The following SLC16A7 variants were observed in gnomAD, a reference collection of about 807,000 sequenced individuals.
SLC16A7 encodes the protein monocarboxylate transporter 2.
Under a neutral mutation model 34.9 loss-of-function variants are expected in SLC16A7, and 33 were observed. The ratio of observed to expected loss-of-function variants is 0.94; its 90% CI spans 0.72 to 1.26. The LOEUF is 1.26. SLC16A7 is among the 50% of genes most tolerant of loss of function. SLC16A7 has a pLI of 0.00. For missense variants in SLC16A7, 573 were observed against 578.1 expected (o/e 0.99, Z 0.09); for synonymous variants, 201 against 206.6 (o/e 0.97, Z 0.23).
At chr12:59,730,358 A>C (rs1041853964) in intron 3 of SLC16A7, among the ~76,000 whole-genome samples, 7 of 151,982 alleles carry the variant, frequency 4.6e-5, no homozygotes, top group South Asian at 2.1e-4. Context: ...AAAAAAAAAA[A>C]AAAACAGACA....
chr12:59,684,857 G>A (rs1473358012), intron 2 of SLC16A7, among the ~76,000 whole-genome samples: 2 of 152,210 alleles, frequency 1.3e-5, no homozygotes, highest in East Asian at 1.9e-4. Context: ...CCTGGAAGAG[G>A]CCAGCCTACA....
At chr12:59,712,428 TG>T (rs1285182375) in intron 3 of SLC16A7, among the ~76,000 whole-genome samples, 2 of 152,242 alleles carry the variant, frequency 1.3e-5, no homozygotes, top group African/African-American at 4.8e-5. Flanking sequence ...TCATTCTTTT[TG>T]GGCCATCCTA....
At position 59,647,989 on chromosome 12, in the gene SLC16A7, A is replaced by C. The variant is rs1259800416; in HGVS notation, c.-129-7163A>C. Among the ~76,000 whole-genome samples the C allele has an allele frequency of 1.3e-5, 2 of 152,012 alleles. 1 individual carries two copies. Among genetic ancestry groups the C allele is most frequent in the Admixed American group, 1.3e-4 (2 of 15,240 alleles). The stretch of plus-strand genomic sequence containing the variant: ...GATCACCTGAACTTGGCGAGGTAAA[A>C]GCTGCAGTGAGCCATTATTGTGCCA... On this transcript the variant is annotated intron_variant, in intron 1 of 5. Transcript: ENST00000547379.
chr12:59,773,555 A>G (rs1033112427), intron 4 of SLC16A7, among the ~76,000 whole-genome samples: 1 of 151,824 alleles, frequency 6.6e-6, no homozygotes, highest in Non-Finnish European at 1.5e-5. Context: ...GCCCAATTTT[A>G]TATAAACCAA....
chr12:59,598,835 C>T (rs1307793700), intron 1 of SLC16A7, among the ~76,000 whole-genome samples: 1 of 152,214 alleles, frequency 6.6e-6, no homozygotes, highest in East Asian at 1.9e-4. Context: ...TATAAAGTAA[C>T]TGTAGTATAT....
chr12:59,736,759 T>G (rs1354759102), intron 3 of SLC16A7, among the ~76,000 whole-genome samples: 1 of 152,226 alleles, frequency 6.6e-6, no homozygotes, highest in Non-Finnish European at 1.5e-5. Context: ...CCTTTGTTAC[T>G]AAACAAGTCC....
At chr12:59,686,590 T>C (rs1871182046) in intron 2 of SLC16A7, among the ~76,000 whole-genome samples, 1 of 152,092 alleles carries the variant, frequency 6.6e-6, no homozygotes, top group Admixed American at 6.6e-5. Context: ...ATAATACTCT[T>C]AAAAACATTA....
At chr12:59,607,653 G>A (rs891304360) in intron 1 of SLC16A7, among the ~76,000 whole-genome samples, 1 of 151,906 alleles carries the variant, frequency 6.6e-6, no homozygotes, top group African/African-American at 2.4e-5. Context: ...ATAACATGAG[G>A]GAATGCTGGA....
At chr12:59,724,533 T>C (rs975189374) in intron 3 of SLC16A7, among the ~76,000 whole-genome samples, 1 of 151,906 alleles carries the variant, frequency 6.6e-6, no homozygotes, top group African/African-American at 2.4e-5. Context: ...AAGTGCAACA[T>C]GTATTTACTT....
At chr12:59,733,002 G>T (rs968061711) in intron 3 of SLC16A7, among the ~76,000 whole-genome samples, 1 of 152,138 alleles carries the variant, frequency 6.6e-6, no homozygotes, top group African/African-American at 2.4e-5. Flanking sequence ...CTTGGGAGGT[G>T]AGCAAACACA....
At chr12:59,652,315 TTGAA>T (rs1451273478) in intron 1 of SLC16A7, among the ~76,000 whole-genome samples, 1 of 151,980 alleles carries the variant, frequency 6.6e-6, no homozygotes, top group Non-Finnish European at 1.5e-5. Flanking sequence ...TCCTAGCCCT[TTGAA>T]TGAGCACCTT....
intron 1 of SLC16A7, among the ~76,000 whole-genome samples, chr12:59,607,781 C>T (rs1879011676): frequency 1.3e-5 from 2 of 151,924 alleles, no homozygotes; most frequent in Non-Finnish European, 2.9e-5. Flanking sequence ...TAAAAACTTG[C>T]AGTAGCCAAA....
intron 3 of SLC16A7, among the ~76,000 whole-genome samples, chr12:59,708,896 G>A (rs931514607): frequency 6.6e-6 from 1 of 151,542 alleles, no homozygotes; most frequent in South Asian, 2.1e-4. Flanking sequence ...TAGAATAATG[G>A]CATCACATTA....
intron 3 of SLC16A7, among the ~76,000 whole-genome samples, chr12:59,707,643 T>C (rs1873743426): frequency 6.6e-6 from 1 of 152,114 alleles, no homozygotes; most frequent in Non-Finnish European, 1.5e-5. Flanking sequence ...TTTAGGGTGA[T>C]AGATGAATAA....
intron 2 of SLC16A7, among the ~76,000 whole-genome samples, chr12:59,697,913 C>G: frequency 6.6e-6 from 1 of 151,772 alleles, no homozygotes; most frequent in South Asian, 2.1e-4. Flanking sequence ...ATCAATTTAT[C>G]TTTTATTTAC....
At position 59,772,738 on chromosome 12, in the gene SLC16A7, A is replaced by T. The variant is rs1025613404; in HGVS notation, c.361+1376A>T. Among the ~76,000 whole-genome samples, 8 of 152,168 alleles carry T rather than the reference A, an allele frequency of 5.3e-5. No homozygotes were observed. The East Asian group carries it at 1.5e-3, about 29-fold the overall frequency. Reference sequence around the variant, plus strand: ...TAGCTCTTTTTAAAGGAGTTATTAGAAAAATGTAAAAAATGAATACGTAGT... The same window carrying T: ...TAGCTCTTTTTAAAGGAGTTATTAGTAAAATGTAAAAAATGAATACGTAGT... On this transcript the variant is annotated intron_variant, in intron 4 of 5. Coordinates refer to ENST00000547379, the MANE Select transcript of SLC16A7 (RefSeq NM_001270623.2).
At chr12:59,611,371 C>T (rs556719490) in intron 1 of SLC16A7, among the ~76,000 whole-genome samples, 4 of 152,200 alleles carry the variant, frequency 2.6e-5, no homozygotes, top group African/African-American at 9.6e-5. Context: ...TGTGAGAACT[C>T]GATCACTATC....
chr12:59,618,706 C>G (rs936019934), intron 1 of SLC16A7, among the ~76,000 whole-genome samples: 16 of 151,846 alleles, frequency 1.1e-4, no homozygotes, highest in African/African-American at 2.9e-4. Flanking sequence ...AATAGTTGTT[C>G]TGGTAATAAA....
intron 3 of SLC16A7, among the ~76,000 whole-genome samples, chr12:59,711,455 C>A (rs1592550991): frequency 6.6e-6 from 1 of 152,172 alleles, no homozygotes; most frequent in East Asian, 1.9e-4. Context: ...GAAACTATTG[C>A]CTAATGAAAT....
Sources: allele counts gnomAD v4.1 joint callset (sites outside exome capture counted in the v4.1 genomes callset), GRCh38; gene constraint gnomAD v4.1.1; transcripts MANE v1.5; gene names NCBI Gene and HGNC (gene_info 2026-07-23, HGNC 2026-07-21).